The following CASTOR2 variants were observed in gnomAD, a reference collection of about 807,000 sequenced individuals.
CASTOR2 encodes the protein cytosolic arginine sensor for mTORC1 subunit 2.
Under a neutral mutation model 31.2 loss-of-function variants are expected in CASTOR2, and 8 were observed. That is an observed-to-expected ratio of 0.26 (90% CI 0.15 to 0.46). The LOEUF is 0.46. Ranked by LOEUF, CASTOR2 falls within the 20% of genes least tolerant of loss-of-function variation. The pLI is 0.99. For missense variants in CASTOR2, 216 were observed against 382.1 expected (o/e 0.57, Z 3.62); for synonymous variants, 162 against 158.7 (o/e 1.02, Z -0.16).
chr7:74,977,785 TCC>T (rs1233995553), intron 1 of CASTOR2, among the ~76,000 whole-genome samples: 3 of 150,152 alleles, frequency 2.0e-5, no homozygotes, highest in African/African-American at 7.3e-5. Flanking sequence ...CCAGCAATCC[TCC>T]CTGCCTCAGC....
At chr7:74,999,235 C>T (rs1190521666) in intron 1 of CASTOR2, among the ~76,000 whole-genome samples, 1 of 152,054 alleles carries the variant, frequency 6.6e-6, no homozygotes, top group Non-Finnish European at 1.5e-5. Context: ...TGGTCTCGAT[C>T]TCCTGACCTC....
intron 1 of CASTOR2, among the ~76,000 whole-genome samples, chr7:74,984,989 T>C (rs1804030030): frequency 6.6e-6 from 1 of 151,966 alleles, no homozygotes; most frequent in African/African-American, 2.4e-5. Context: ...ATACAAAAAT[T>C]AGCTGGGTGT....
intron 1 of CASTOR2, among the ~76,000 whole-genome samples, chr7:74,996,674 C>T (rs1804354565): frequency 7.6e-6 from 1 of 130,852 alleles, no homozygotes; most frequent in African/African-American, 2.9e-5. Context: ...GAAATGGATG[C>T]ATGGATGCTG....
chr7:75,021,892 G>T lies in CASTOR2; in HGVS notation c.765G>T (p.Leu255=), dbSNP rs1805014350. ...QTQQRFPSNL[L]FTSASGELWK... is the part of the protein sequence containing the mutation. ...TTTGAAGGTTTCCTAGTAACTTGCT[G>T]TTCACAAGCGCATCCGGAGAGCTCT... Residue 255 remains leucine (L), a synonymous_variant, in exon 7 of 9, where the codon CTG becomes CTT. Transcript: ENST00000616305. 1.9e-6 allele frequency: 3 copies of T among 1,551,874 alleles called. No homozygotes were observed. Among genetic ancestry groups the T allele is most frequent in the Non-Finnish European group, 1.7e-6 (2 of 1,146,914 alleles).
In CASTOR2 at chr7:75,020,509, T is replaced by G. The variant is rs1404046938; in HGVS notation, c.746+360T>G. Among the ~76,000 whole-genome samples the G allele has an allele frequency of 3.6e-5, 5 of 137,198 alleles. No homozygotes were observed. The East Asian group carries it at 6.4e-4, about 18-fold the overall frequency. 90.0% of individuals were successfully genotyped at this position (137,198 alleles called of 152,430 possible). On this transcript the variant is annotated intron_variant, in intron 6 of 8. Coordinates refer to ENST00000616305, the MANE Select transcript of CASTOR2 (RefSeq NM_001145064.3). ...GGCGTGATTTTTTTTTTTTTTTTTT[T>G]AGACGGAGTCTCGCTCTGTCGCCCA...
intron 1 of CASTOR2, among the ~76,000 whole-genome samples, chr7:75,001,220 G>C (rs1176650896): frequency 1.3e-5 from 2 of 151,978 alleles, no homozygotes; most frequent in East Asian, 3.9e-4. Flanking sequence ...GAGACTACAG[G>C]GGCACACCAC....
intron 1 of CASTOR2, among the ~76,000 whole-genome samples, chr7:74,996,786 T>C (rs1227191741): frequency 7.3e-4 from 89 of 121,420 alleles, no homozygotes; most frequent in African/African-American, 2.6e-3. Flanking sequence ...TGGAGTGCAG[T>C]GGCGCGATCT....
chr7:74,996,629 A>T (rs1804353599), intron 1 of CASTOR2, among the ~76,000 whole-genome samples: 1 of 150,762 alleles, frequency 6.6e-6, no homozygotes. Context: ...TGTCAGGGAA[A>T]GACCAGGGAA....
intron 7 of CASTOR2, among the ~76,000 whole-genome samples, chr7:75,023,498 G>C (rs1434098395): frequency 9.1e-5 from 13 of 142,674 alleles, no homozygotes; most frequent in African/African-American, 2.3e-4. Context: ...TTTTGAGACC[G>C]GATCTTGCTC....
rs1412417454 is a variant in CASTOR2, at chr7:75,030,257, T to C, written c.*5558T>C. On this transcript the variant is annotated 3_prime_UTR_variant, in exon 9 of 9. Coordinates refer to ENST00000616305, the MANE Select transcript of CASTOR2 (RefSeq NM_001145064.3). The stretch of plus-strand genomic sequence containing the variant: ...TGAGCGTGGATGTGTTCCTATGCAT[T>C]AGAGTGTGTGCGTGCACGTGTGCAG... Among the ~76,000 whole-genome samples the C allele has an allele frequency of 1.3e-5, 2 of 152,230 alleles. No individual in the cohort carries two copies. Among genetic ancestry groups the C allele is most frequent in the Non-Finnish European group, 2.9e-5 (2 of 68,026 alleles).
chr7:74,988,399 G>A (rs1333877782), intron 1 of CASTOR2, among the ~76,000 whole-genome samples: 13 of 152,100 alleles, frequency 8.5e-5, no homozygotes, highest in East Asian at 1.9e-4. Context: ...CCGGGTTCAC[G>A]CCATTCTCCT....
chr7:75,022,714 G>T (rs1027068936), intron 7 of CASTOR2, among the ~76,000 whole-genome samples: 4 of 152,082 alleles, frequency 2.6e-5, no homozygotes, highest in South Asian at 2.1e-4. Context: ...TGGGAGAATC[G>T]CTTGAACCCA....
chr7:75,031,269 C>T lies in CASTOR2; in HGVS notation c.*6570C>T, dbSNP rs1805295736. 6.6e-6 allele frequency among the ~76,000 whole-genome samples: 1 copy of T among 152,146 alleles called. No individual in the cohort carries two copies. Among genetic ancestry groups the T allele is most frequent in the Admixed American group, 6.5e-5 (1 of 15,268 alleles). On this transcript the variant is annotated 3_prime_UTR_variant, in exon 9 of 9. Transcript: ENST00000616305. The stretch of plus-strand genomic sequence containing the variant: ...CAGGGGACTTCCTGCCCACAACCCC[C>T]TCCAACCCTCACCTGGCGTGCCCGG...
chr7:74,977,825 C>T (rs1803857274), intron 1 of CASTOR2, among the ~76,000 whole-genome samples: 1 of 150,354 alleles, frequency 6.7e-6, no homozygotes, highest in Non-Finnish European at 1.5e-5. Context: ...ACTGCAAGCA[C>T]TCGCCACTAC....
At chr7:74,991,124 C>T (rs1186833076) in intron 1 of CASTOR2, among the ~76,000 whole-genome samples, 4 of 151,858 alleles carry the variant, frequency 2.6e-5, no homozygotes, top group East Asian at 1.9e-4. Flanking sequence ...CACCTAACCA[C>T]GAGCCACACT....
At chr7:75,004,056 C>T (rs1289892732) in intron 1 of CASTOR2, among the ~76,000 whole-genome samples, 1 of 152,110 alleles carries the variant, frequency 6.6e-6, no homozygotes, top group Non-Finnish European at 1.5e-5. Flanking sequence ...GAGCCGAGGG[C>T]GCCGGGAGCA....
At chr7:75,015,644 T>TA (rs1405171832) in intron 2 of CASTOR2, among the ~76,000 whole-genome samples, 1 of 152,106 alleles carries the variant, frequency 6.6e-6, no homozygotes, top group African/African-American at 2.4e-5. Flanking sequence ...GTGCCCAAGA[T>TA]AGAGCCTGGG....
At chr7:74,987,512 G>A (rs1276980023) in intron 1 of CASTOR2, among the ~76,000 whole-genome samples, 1 of 152,166 alleles carries the variant, frequency 6.6e-6, no homozygotes, top group Non-Finnish European at 1.5e-5. Flanking sequence ...TTCTCCTGCA[G>A]TCTGGGCCTT....
chr7:74,996,558 C>A (rs1482779738), intron 1 of CASTOR2, among the ~76,000 whole-genome samples: 2 of 151,224 alleles, frequency 1.3e-5, no homozygotes, highest in Non-Finnish European at 2.9e-5. Context: ...GGTTGTGTGT[C>A]TCGGTGTGCG....
Sources: gnomAD v4.1 joint callset for allele counts (sites outside exome capture counted in the v4.1 genomes callset) on GRCh38, gnomAD v4.1.1 for gene constraint, MANE v1.5 for transcripts, NCBI Gene and HGNC (gene_info 2026-07-23, HGNC 2026-07-21) for gene names.